Variants in PRKCE observed in about 807,000 individuals in gnomAD.
The protein encoded by PRKCE is protein kinase C epsilon, also known as protein kinase C epsilon type.
In PRKCE, 16 loss-of-function variants were observed where a neutral mutation model predicts 85.4. That is an observed-to-expected ratio of 0.19 (90% CI 0.13 to 0.28). The LOEUF is 0.28. Among genes scored for constraint, PRKCE ranks in the 10% least tolerant of loss-of-function variants. The pLI, the probability that PRKCE is intolerant of heterozygous loss-of-function variation, is 1.00. For synonymous variants in PRKCE, 388 were observed against 371.5 expected (o/e 1.04, Z -0.51); for missense variants, 573 against 975.2 (o/e 0.59, Z 5.49).
intron 1 of PRKCE, among the ~76,000 whole-genome samples, chr2:45,695,901 C>T (rs922194335): frequency 5.3e-5 from 8 of 152,172 alleles, no homozygotes; most frequent in African/African-American, 1.9e-4. Context: ...TTATTGTACA[C>T]ATCAGTGGTT....
At chr2:46,123,318 C>G (rs1185846797) in intron 11 of PRKCE, among the ~76,000 whole-genome samples, 2 of 138,926 alleles carry the variant, frequency 1.4e-5, no homozygotes. Context: ...TTAAACTATT[C>G]CCTGCAATTG....
chr2:45,818,544 G>C (rs531975679), intron 1 of PRKCE, among the ~76,000 whole-genome samples: 13 of 152,254 alleles, frequency 8.5e-5, no homozygotes, highest in Non-Finnish European at 1.5e-4. Flanking sequence ...ACATCTAAAG[G>C]GTTCAACTTA....
chr2:45,765,232 G>GT (rs755979287), intron 1 of PRKCE, among the ~76,000 whole-genome samples: 2 of 152,230 alleles, frequency 1.3e-5, no homozygotes, highest in South Asian at 4.2e-4. Flanking sequence ...CTTTATTTTT[G>GT]TTTTTTATAA....
intron 10 of PRKCE, among the ~76,000 whole-genome samples, chr2:46,026,371 A>T (rs1455286897): frequency 6.6e-6 from 1 of 152,232 alleles, no homozygotes; most frequent in Non-Finnish European, 1.5e-5. Flanking sequence ...AATCGGGAGT[A>T]TGGGCAGTTA....
chr2:45,787,198 T>C (rs566103506), intron 1 of PRKCE, among the ~76,000 whole-genome samples: 83 of 152,184 alleles, frequency 5.5e-4, no homozygotes, highest in Non-Finnish European at 7.8e-4. Flanking sequence ...CAGGAGCTGG[T>C]GATAGCTGGA....
chr2:45,997,497 C>T (rs1052419564), intron 6 of PRKCE, among the ~76,000 whole-genome samples: 19 of 151,790 alleles, frequency 1.3e-4, no homozygotes, highest in South Asian at 1.2e-3. Flanking sequence ...TTGCTATATC[C>T]CACTAATTTT....
At position 46,007,488 on chromosome 2, in the gene PRKCE, C is replaced by G; in HGVS notation, c.1090C>G (p.Arg364Gly). ...AATAAAAGAACTTGAGAACAACATT[C>G]GGAAAGCCTTGTCATTTGACAACCG... ...QEIKELENNI[R>G]KALSFDNRGE... is the part of the protein sequence containing the mutation. Residue 364 changes from arginine to glycine, a missense_variant, in exon 9 of 15, where the codon CGG becomes GGG. Physicochemically the swap from Arg to Gly is moderately radical, Grantham distance 125 (BLOSUM62 -2). Transcript: ENST00000306156. The G allele has an allele frequency of 1.3e-6, 2 of 1,599,766 alleles. No individual in the cohort carries two copies. Among genetic ancestry groups the G allele is most frequent in the East Asian group, 4.5e-5 (2 of 44,878 alleles).
intron 1 of PRKCE, among the ~76,000 whole-genome samples, chr2:45,727,246 T>G (rs554325532): frequency 1.3e-5 from 2 of 152,308 alleles, no homozygotes; most frequent in East Asian, 3.9e-4. Context: ...AGTTATTTAT[T>G]TAGCATAAAC....
At chr2:46,035,487 C>G (rs1407809082) in intron 10 of PRKCE, among the ~76,000 whole-genome samples, 1 of 152,212 alleles carries the variant, frequency 6.6e-6, no homozygotes, top group African/African-American at 2.4e-5. Flanking sequence ...TGCTCCATCC[C>G]CACCTCATAA....
intron 1 of PRKCE, among the ~76,000 whole-genome samples, chr2:45,818,985 G>A (rs753830755): frequency 6.6e-6 from 1 of 152,300 alleles, no homozygotes; most frequent in African/African-American, 2.4e-5. Context: ...CTAAAAGGAG[G>A]TAGGGAGGAA....
At chr2:46,019,847 CTTT>C (rs869079304) in intron 10 of PRKCE, among the ~76,000 whole-genome samples, 3 of 105,910 alleles carry the variant, frequency 2.8e-5, no homozygotes, top group Non-Finnish European at 3.6e-5. Flanking sequence ...TTGGTTTTCT[CTTT>C]TTTTTTTTTT....
chr2:45,838,683 G>T (rs1399865569), intron 1 of PRKCE, among the ~76,000 whole-genome samples: 3 of 152,052 alleles, frequency 2.0e-5, no homozygotes, highest in Admixed American at 6.5e-5. Flanking sequence ...CAGTGCAGTG[G>T]CGCATTGCAG....
rs536277733 is a variant in PRKCE at position 45,653,299 on chromosome 2, T to C, written c.348+851T>C. Among the ~76,000 whole-genome samples, 130 of 151,136 alleles carry C rather than the reference T, an allele frequency of 8.6e-4. 2 individuals carry two copies. The South Asian group carries it at 0.026, about 31-fold the overall frequency. On this transcript the variant is annotated intron_variant, in intron 1 of 14. Coordinates refer to ENST00000306156, the MANE Select transcript of PRKCE (RefSeq NM_005400.3). ...CTCAATCTACTATAAACCAAATGCA[T>C]CCAGTCTTGGCACTTGGACAAGCAG...
chr2:46,181,133 G>C (rs1000899167), intron 14 of PRKCE, among the ~76,000 whole-genome samples: 13 of 152,164 alleles, frequency 8.5e-5, no homozygotes, highest in Admixed American at 8.5e-4. Flanking sequence ...CTGTGCGGGA[G>C]GTAGCAGCTT....
At chr2:45,983,184 A>G (rs1421597977) in intron 5 of PRKCE, among the ~76,000 whole-genome samples, 2 of 152,170 alleles carry the variant, frequency 1.3e-5, no homozygotes, top group African/African-American at 4.8e-5. Context: ...GGTCCAATGG[A>G]AGGATCAGCC....
chr2:45,761,511 T>C (rs1287930189), intron 1 of PRKCE, among the ~76,000 whole-genome samples: 2 of 152,106 alleles, frequency 1.3e-5, no homozygotes, highest in Non-Finnish European at 2.9e-5. Flanking sequence ...TTTTATTGTC[T>C]CCATTTTATC....
chr2:45,927,234 G>T (rs148916730), intron 2 of PRKCE, among the ~76,000 whole-genome samples: 1 of 152,258 alleles, frequency 6.6e-6, no homozygotes, highest in African/African-American at 2.4e-5. Flanking sequence ...GAAGAGGGAG[G>T]TGAAATTGTA....
intron 10 of PRKCE, among the ~76,000 whole-genome samples, chr2:46,050,039 T>C (rs1368506051): frequency 6.6e-6 from 1 of 152,198 alleles, no homozygotes; most frequent in Non-Finnish European, 1.5e-5. Context: ...TCTTGCAGAA[T>C]TGGAGGCTTG....
chr2:46,091,459 C>T (rs1363602016), intron 11 of PRKCE, among the ~76,000 whole-genome samples: 1 of 152,182 alleles, frequency 6.6e-6, no homozygotes, highest in Non-Finnish European at 1.5e-5. Context: ...ATGCCTCAGA[C>T]AGTGAGGGGA....
Sources: allele counts gnomAD v4.1 joint callset (sites outside exome capture counted in the v4.1 genomes callset), GRCh38; gene constraint gnomAD v4.1.1; transcripts MANE v1.5; gene names NCBI Gene and HGNC (gene_info 2026-07-23, HGNC 2026-07-21).